ARHGAP24: variants seen among roughly 807,000 people sequenced by gnomAD.
The protein encoded by ARHGAP24 is rho GTPase-activating protein 24.
A neutral mutation model predicts 76.4 loss-of-function variants in ARHGAP24; 50 were observed. The ratio of observed to expected loss-of-function variants is 0.65; its 90% CI spans 0.52 to 0.83. ARHGAP24 has a LOEUF of 0.83. Ranked by LOEUF, ARHGAP24 falls within the 40% of genes least tolerant of loss-of-function variation. The pLI is 0.00. For synonymous variants in ARHGAP24, 345 were observed against 323.3 expected (o/e 1.07, Z -0.72); for missense variants, 930 against 914.2 (o/e 1.02, Z -0.22).
chr4:85,700,232 T>C (rs1256445597), intron 2 of ARHGAP24, among the ~76,000 whole-genome samples: 1 of 151,814 alleles, frequency 6.6e-6, no homozygotes, highest in Non-Finnish European at 1.5e-5. Context: ...CCATCTCTAC[T>C]AAAAATATAA....
intron 1 of ARHGAP24, among the ~76,000 whole-genome samples, chr4:85,493,126 G>A (rs1468744015): frequency 6.6e-6 from 1 of 152,200 alleles, no homozygotes; most frequent in Non-Finnish European, 1.5e-5. Flanking sequence ...CATCATATCA[G>A]GAAGCGCATG....
chr4:85,649,155 A>G (rs1202797956), intron 2 of ARHGAP24, among the ~76,000 whole-genome samples: 1 of 152,006 alleles, frequency 6.6e-6, no homozygotes, highest in African/African-American at 2.4e-5. Context: ...CTTTAATTTC[A>G]CAGTATTTAC....
intron 2 of ARHGAP24, among the ~76,000 whole-genome samples, chr4:85,643,995 T>G (rs907315057): frequency 6.6e-6 from 1 of 152,138 alleles, no homozygotes; most frequent in African/African-American, 2.4e-5. Context: ...TTGACTTCAT[T>G]TTTGGTGAAG....
chr4:85,521,866 C>G (rs982096146), intron 1 of ARHGAP24, among the ~76,000 whole-genome samples: 1 of 152,012 alleles, frequency 6.6e-6, no homozygotes, highest in Non-Finnish European at 1.5e-5. Flanking sequence ...TTATTATTGA[C>G]GATCAAGAGC....
intron 2 of ARHGAP24, among the ~76,000 whole-genome samples, chr4:85,594,960 T>C (rs1385470353): frequency 7.1e-6 from 1 of 141,382 alleles, no homozygotes; most frequent in Non-Finnish European, 1.5e-5. Flanking sequence ...CCAACAAACA[T>C]TGCAATCCTA....
intron 1 of ARHGAP24, among the ~76,000 whole-genome samples, chr4:85,492,223 A>G (rs143992779): frequency 1.2e-3 from 179 of 151,824 alleles, no homozygotes; most frequent in Middle Eastern, 0.01. Flanking sequence ...CCTTCTTCTT[A>G]TTATTACTGG....
At chr4:85,710,072 CAAA>C (rs1185890968) in intron 2 of ARHGAP24, among the ~76,000 whole-genome samples, 1 of 152,074 alleles carries the variant, frequency 6.6e-6, no homozygotes, top group Non-Finnish European at 1.5e-5. Context: ...CAGTCCTAAG[CAAA>C]AAGAACAAAG....
chr4:85,895,112 C>G (rs1734103645), intron 3 of ARHGAP24, among the ~76,000 whole-genome samples: 2 of 151,184 alleles, frequency 1.3e-5, no homozygotes, highest in South Asian at 4.2e-4. Context: ...CTGTACACTG[C>G]TTGGGTGATT....
At chr4:85,644,083 A>G (rs565357591) in intron 2 of ARHGAP24, among the ~76,000 whole-genome samples, 15 of 152,314 alleles carry the variant, frequency 9.8e-5, no homozygotes, top group African/African-American at 3.4e-4. Flanking sequence ...TTCTTGGGTC[A>G]AAAAGAGATC....
intron 1 of ARHGAP24, among the ~76,000 whole-genome samples, chr4:85,490,222 T>C (rs1212629794): frequency 6.6e-6 from 1 of 152,138 alleles, no homozygotes; most frequent in Admixed American, 6.5e-5. Context: ...TTACAGTTGG[T>C]GATGCTTTTT....
chr4:85,502,519 C>CTGTT (rs1419016854), intron 1 of ARHGAP24, among the ~76,000 whole-genome samples: 1 of 151,468 alleles, frequency 6.6e-6, no homozygotes, highest in Non-Finnish European at 1.5e-5. Context: ...ATTTGGCTCT[C>CTGTT]TGTCTGTTAT....
chr4:85,972,346 C>A, intron 6 of ARHGAP24, 178 bp downstream of exon 6: 2 of 739,434 alleles, frequency 2.7e-6, no homozygotes, highest in Non-Finnish European at 4.3e-6. Flanking sequence ...TTCCGATCCC[C>A]TCTCTGATCA....
At chr4:85,956,384 T>C (rs570518085) in intron 5 of ARHGAP24, among the ~76,000 whole-genome samples, 2 of 152,314 alleles carry the variant, frequency 1.3e-5, no homozygotes, top group Non-Finnish European at 2.9e-5. Context: ...TTCTCAAACT[T>C]CTCTCATTCA....
At chr4:85,536,837 A>G (rs951477104) in intron 1 of ARHGAP24, among the ~76,000 whole-genome samples, 1 of 152,174 alleles carries the variant, frequency 6.6e-6, no homozygotes, top group Non-Finnish European at 1.5e-5. Flanking sequence ...ACCTTTGTGT[A>G]TGAGAGTATT....
chr4:85,604,266 G>T (rs980254705), intron 2 of ARHGAP24: 7 of 152,198 alleles, frequency 4.6e-5, no homozygotes. Context: ...CCTGCCTGCT[G>T]TAGAAATCTC....
In ARHGAP24 at chr4:85,867,489, A is replaced by G. The variant is rs544097340; in HGVS notation, c.269-56159A>G. 2.6e-3 allele frequency among the ~76,000 whole-genome samples: 389 copies of G among 152,278 alleles called. 2 individuals carry two copies. Among genetic ancestry groups the G allele is most frequent in the Non-Finnish European group, 4.9e-3 (333 of 68,006 alleles). On this transcript the variant is annotated intron_variant, in intron 3 of 9. Transcript: ENST00000395184. The stretch of plus-strand genomic sequence containing the variant: ...GGTGACAAACTCTACTTAGTCTGGC[A>G]AAAAGCAATAATAAACATATGATTT...
intron 3 of ARHGAP24, among the ~76,000 whole-genome samples, chr4:85,826,518 A>G (rs1729719173): frequency 6.6e-6 from 1 of 152,194 alleles, no homozygotes; most frequent in Admixed American, 6.5e-5. Context: ...AACTCTATTT[A>G]TAGCCCACTT....
Position 85,519,919 on chromosome 4 carries a change from A to G in ARHGAP24, c.-21+44360A>G, listed in dbSNP as rs1724672338. On this transcript the variant is annotated intron_variant, in intron 1 of 9. Transcript: ENST00000395184. The stretch of plus-strand genomic sequence containing the variant: ...TGTTTCCTTACATCATTTTCCATAC[A>G]AAAATATTTCTGTTCAGATGAGGTT... Among the ~76,000 whole-genome samples the G allele has an allele frequency of 2.6e-5, 4 of 152,136 alleles. No homozygotes were observed. The South Asian group carries it at 8.3e-4, about 32-fold the overall frequency.
intron 3 of ARHGAP24, chr4:85,828,020 G>C: frequency 8.0e-7 from 1 of 1,256,312 alleles, no homozygotes; most frequent in Non-Finnish European, 1.0e-6. Flanking sequence ...CAAATTGCCA[G>C]GTATTGTTGT....
Sources: gnomAD v4.1 joint callset for allele counts (sites outside exome capture counted in the v4.1 genomes callset) on GRCh38, gnomAD v4.1.1 for gene constraint, MANE v1.5 for transcripts, NCBI Gene and HGNC (gene_info 2026-07-23, HGNC 2026-07-21) for gene names.